The following ETS2 variants were observed in gnomAD, a reference collection of about 807,000 sequenced individuals.
ETS2 encodes ETS proto-oncogene 2, transcription factor, also known as protein C-ets-2.
In ETS2, 19 loss-of-function variants were observed where a neutral mutation model predicts 54.9. The observed-to-expected ratio is 0.35, with a 90% CI of 0.24 to 0.51. The LOEUF is 0.51. Among genes scored for constraint, ETS2 ranks in the 20% least tolerant of loss-of-function variants. The pLI, the probability that ETS2 is intolerant of heterozygous loss-of-function variation, is 0.97. For missense variants in ETS2, 417 were observed against 593.0 expected (o/e 0.70, Z 3.08); for synonymous variants, 219 against 229.3 (o/e 0.95, Z 0.41).
rs765086606 is a variant in ETS2, at chr21:38,821,540, T to C, written c.1076-46T>C. The stretch of plus-strand genomic sequence containing the variant: ...GGATGGTTAAAGACTTGCTGTATTT[T>C]ACATCTGTGAAAGGGTATGATCCGT... On this transcript the variant is annotated intron_variant, in intron 8 of 9. Transcript: ENST00000360938. The surrounding 1 kb of genome is among the most constrained non-coding windows in gnomAD (Gnocchi z 4.2). The C allele has an allele frequency of 3.0e-6, 4 of 1,319,466 alleles. No homozygotes were observed. Among genetic ancestry groups the C allele is most frequent in the Non-Finnish European group, 4.4e-6 (4 of 911,986 alleles). 81.7% of individuals were successfully genotyped at this position (1,319,466 alleles called of 1,614,324 possible).
intron 3 of ETS2, 142 bp downstream of exon 3, chr21:38,813,256 A>C: frequency 1.5e-6 from 1 of 657,190 alleles, no homozygotes; most frequent in Non-Finnish European, 2.7e-6. Flanking sequence ...ACCTGGGAGA[A>C]GGCAGTTTTT....
intron 1 of ETS2, chr21:38,809,785 A>T (rs983746171): frequency 8.4e-6 from 3 of 355,144 alleles, no homozygotes; most frequent in Non-Finnish European, 1.5e-5. Context: ...TGTGACATCT[A>T]AGTGGAATTC....
At chr21:38,816,661 G>A (rs953328003) in intron 5 of ETS2, among the ~76,000 whole-genome samples, 1 of 152,152 alleles carries the variant, frequency 6.6e-6, no homozygotes, top group Admixed American at 6.5e-5. Context: ...TTAATTTCCT[G>A]TATGCAGCCT....
At chr21:38,815,068 A>G in intron 5 of ETS2, 87 bp downstream of exon 5, 1 of 1,341,628 alleles carries the variant, frequency 7.5e-7, no homozygotes. Flanking sequence ...GTGTTCTTCA[A>G]CCTTAGGGTT....
In ETS2 at chr21:38,806,477, G is replaced by A. The variant is rs2060893581; in HGVS notation, c.-1+357G>A. The A allele has an allele frequency of 7.1e-6, 7 of 985,538 alleles. No individual in the cohort carries two copies. The highest frequency in any genetic ancestry group is 1.1e-4 in the East Asian group (1 of 8,796). The allele number at this position is 985,538 out of a possible 1,614,324, so 61.0% of individuals were successfully genotyped here. A position where few individuals can be genotyped will look rare whatever the true frequency, so the allele number is the denominator to read the frequency against. On this transcript the variant is annotated intron_variant, in intron 1 of 9. Transcript: ENST00000360938. This position sits in a 1 kb window ranked among gnomAD's most constrained non-coding sequence, Gnocchi z 4.3. ...AAACGCAGGCCTGGTAGGGGGTCCT[G>A]CCCAGTGGATGTCCCGGCGAACATG...
chr21:38,819,676 A>G lies in ETS2; in HGVS notation c.985A>G (p.Met329Val), dbSNP rs751784308. 20 of 1,613,990 alleles carry G rather than the reference A, an allele frequency of 1.2e-5. No individual in the cohort carries two copies. The highest frequency in any genetic ancestry group is 4.0e-5 in the African/African-American group (3 of 74,912). The change falls in exon 8 of 10, where the codon ATG becomes GTG. Residue 329 changes from methionine (M) to valine (V), a missense_variant. By Grantham distance (21) the Met-to-Val change is conservative (BLOSUM62 1). Coordinates refer to ENST00000360938, the MANE Select transcript of ETS2 (RefSeq NM_005239.6). ...SQSLCLNKPTMSFKDYIQERS... is the reference protein window; with the variant it reads ...SQSLCLNKPTVSFKDYIQERS... Reference sequence around the variant, plus strand: ...GTCTCTCTGCCTCAATAAGCCAACCATGTCTTTCAAGGATTACATCCAAGA... The same window carrying G: ...GTCTCTCTGCCTCAATAAGCCAACCGTGTCTTTCAAGGATTACATCCAAGA...
chr21:38,818,754 G>C, intron 7 of ETS2, 108 bp downstream of exon 7: 2 of 1,298,664 alleles, frequency 1.5e-6, no homozygotes, highest in Non-Finnish European at 2.2e-6. Context: ...ATTAGAGAAG[G>C]GGGTCAAAGC....
intron 1 of ETS2, among the ~76,000 whole-genome samples, chr21:38,808,077 G>A (rs985136406): frequency 3.9e-5 from 6 of 151,992 alleles, no homozygotes; most frequent in Non-Finnish European, 8.8e-5. Context: ...ATGTTCTCCC[G>A]GCACAGAGGA....
At chr21:38,805,708 C>A, upstream of ETS2, 1 of 1,097,692 alleles carries the variant, frequency 9.1e-7, no homozygotes, top group Non-Finnish European at 1.2e-6. The surrounding 1 kb of genome is among the most constrained non-coding windows in gnomAD (Gnocchi z 5.2). Flanking sequence ...TCCTCTCCCT[C>A]CGCTCCCCCA....
chr21:38,818,735 G>C, intron 7 of ETS2, 89 bp downstream of exon 7: 1 of 1,454,870 alleles, frequency 6.9e-7, no homozygotes, highest in East Asian at 2.3e-5. Flanking sequence ...ATACTTCCTG[G>C]ATTCAGCCAT....
At chr21:38,813,322 G>A (rs1322288162) in intron 3 of ETS2, among the ~76,000 whole-genome samples, 1 of 152,096 alleles carries the variant, frequency 6.6e-6, no homozygotes. Context: ...AGTGCCAGAC[G>A]CCCCCCAGTG....
rs760464569 is a variant in ETS2 at position 38,822,925 on chromosome 21, G to C, written c.*36G>C. ...ACCACCCTGAGCCGGCCCCAGGCTC[G>C]TGGACTGAGTGGGAAGCCCATCCTG... On this transcript the variant is annotated 3_prime_UTR_variant, in exon 10 of 10. Transcript: ENST00000360938. 7.6e-6 allele frequency: 11 copies of C among 1,455,922 alleles called. No homozygotes were observed. The highest frequency in any genetic ancestry group is 7.4e-6 in the Non-Finnish European group (8 of 1,086,256). The allele number at this position is 1,455,922 out of a possible 1,614,324, so 90.2% of individuals were successfully genotyped here. A position where few individuals can be genotyped will look rare whatever the true frequency, so the allele number is the denominator to read the frequency against.
rs2123430325 is a variant in ETS2 at position 38,824,852 on chromosome 21, C to A, written c.*1963C>A. 1 of 152,718 alleles carries A rather than the reference C, an allele frequency of 6.5e-6. No individual in the cohort carries two copies. Among genetic ancestry groups the A allele is most frequent in the East Asian group, 1.9e-4 (1 of 5,186 alleles). The allele number at this position is 152,718 out of a possible 1,614,324, so 9.5% of individuals were successfully genotyped here. On this transcript the variant is annotated 3_prime_UTR_variant, in exon 10 of 10. Transcript: ENST00000360938. ...TTCAGCCTAACAGTTATGGAAACTACAGTCCTTATAAACCATTGGCATGGT... is the reference window on the plus strand; with the variant it reads ...TTCAGCCTAACAGTTATGGAAACTAAAGTCCTTATAAACCATTGGCATGGT...
At position 38,821,456 on chromosome 21, in the gene ETS2, A is replaced by G; in HGVS notation, c.1076-130A>G. ...ACACCTTGAGTGCCACCCTGAGTGTAACATCGGAACCCCATTCAGAGAGTT... is the reference window on the plus strand; with the variant it reads ...ACACCTTGAGTGCCACCCTGAGTGTGACATCGGAACCCCATTCAGAGAGTT... On this transcript the variant is annotated intron_variant, in intron 8 of 9. Transcript: ENST00000360938. This position sits in a 1 kb window ranked among gnomAD's most constrained non-coding sequence, Gnocchi z 4.2. 1 of 737,432 alleles carries G rather than the reference A, an allele frequency of 1.4e-6. No homozygotes were observed. 45.7% of individuals were successfully genotyped at this position (737,432 alleles called of 1,614,324 possible). A position where few individuals can be genotyped will look rare whatever the true frequency, so the allele number is the denominator to read the frequency against.
At chr21:38,820,773 G>C (rs984776861) in intron 8 of ETS2, among the ~76,000 whole-genome samples, 1 of 152,204 alleles carries the variant, frequency 6.6e-6, no homozygotes, top group African/African-American at 2.4e-5. Context: ...TATTGATAAC[G>C]GCCATTGCGT....
intron 7 of ETS2, among the ~76,000 whole-genome samples, 187 bp downstream of exon 7, chr21:38,818,833 G>A (rs1298274081): frequency 6.6e-6 from 1 of 152,204 alleles, no homozygotes; most frequent in Non-Finnish European, 1.5e-5. Flanking sequence ...AGGTACTGCA[G>A]GCATTGAGTA....
At chr21:38,812,547 A>G (rs979754119) in intron 2 of ETS2, among the ~76,000 whole-genome samples, 12 of 152,200 alleles carry the variant, frequency 7.9e-5, no homozygotes, top group African/African-American at 2.9e-4. Context: ...TTGGGAGGCC[A>G]AGGCGGGTGG....
intron 9 of ETS2, among the ~76,000 whole-genome samples, 191 bp from the exon 10 acceptor site, chr21:38,822,483 A>G (rs2060962187): frequency 6.6e-6 from 1 of 152,108 alleles, no homozygotes; most frequent in Non-Finnish European, 1.5e-5. Flanking sequence ...CCCCTTGGGG[A>G]CACAGTGCCC....
rs997447535 is a variant in ETS2, at chr21:38,822,837, C to T, written c.1358C>T (p.Thr453Met). 7 of 1,610,714 alleles carry T rather than the reference C, an allele frequency of 4.3e-6. No individual in the cohort carries two copies. The African/African-American group carries it at 6.7e-5, about 15-fold the overall frequency. Residue 453 changes from threonine to methionine, a missense_variant, in exon 10 of 10, where the codon ACG becomes ATG. By Grantham distance (81) the Thr-to-Met change is moderately conservative (BLOSUM62 -1). Coordinates refer to ENST00000360938, the MANE Select transcript of ETS2 (RefSeq NM_005239.6). ...VCDLQNLLGFTPEELHAILGV... is the reference protein window; with the variant it reads ...VCDLQNLLGFMPEELHAILGV... ...GACCTCCAGAACTTGCTGGGGTTCA[C>T]GCCCGAGGAACTGCACGCCATCCTG...
Sources: allele counts gnomAD v4.1 joint callset (sites outside exome capture counted in the v4.1 genomes callset), GRCh38; gene constraint gnomAD v4.1.1; non-coding constraint Gnocchi (gnomAD v3.1); transcripts MANE v1.5; gene names NCBI Gene and HGNC (gene_info 2026-07-23, HGNC 2026-07-21).